RSPH9: variants seen among roughly 807,000 people sequenced by gnomAD.
The protein encoded by RSPH9 is radial spoke head component 9.
Under a neutral mutation model 27.0 loss-of-function variants are expected in RSPH9, and 27 were observed. The ratio of observed to expected loss-of-function variants is 1.00; its 90% CI spans 0.74 to 1.38. The LOEUF is 1.38. Ranked by LOEUF, RSPH9 falls within the 40% of genes most tolerant of loss-of-function variation. The probability of loss-of-function intolerance (pLI) is 0.00; values close to 1 mark genes in which losing one functional copy is unlikely to be tolerated. For synonymous variants in RSPH9, 145 were observed against 147.7 expected, an observed-to-expected ratio of 0.98 and a Z score of 0.13; for missense variants, 347 against 357.4, an observed-to-expected ratio of 0.97 and a Z score of 0.24.
intron 4 of RSPH9, among the ~76,000 whole-genome samples, chr6:43,665,081 G>A (rs1773013563): frequency 6.6e-6 from 1 of 152,226 alleles, no homozygotes; most frequent in Admixed American, 6.5e-5. Flanking sequence ...CCTTTGTGCT[G>A]GGTGAGAGGG....
intron 3 of RSPH9, among the ~76,000 whole-genome samples, chr6:43,656,261 T>G (rs1772039948): frequency 6.6e-6 from 1 of 152,124 alleles, no homozygotes; most frequent in South Asian, 2.1e-4. Flanking sequence ...AATTTTTGTA[T>G]TTTTAGTAGA....
chr6:43,645,391 G>GCCCC, intron 1 of RSPH9, 66 bp downstream of exon 1: 1 of 400,202 alleles, frequency 2.5e-6, no homozygotes, highest in Non-Finnish European at 5.0e-6. Flanking sequence ...GGGTGGGCGG[G>GCCCC]TCGCAGCAAT....
At chr6:43,662,662 T>C (rs781673160) in intron 4 of RSPH9, among the ~76,000 whole-genome samples, 25 of 152,180 alleles carry the variant, frequency 1.6e-4, no homozygotes, top group Non-Finnish European at 3.4e-4. Flanking sequence ...CCACCACGCC[T>C]GGCCGGCTGT....
intron 1 of RSPH9, among the ~76,000 whole-genome samples, chr6:43,645,836 G>A (rs1270956545): frequency 1.3e-5 from 2 of 152,230 alleles, no homozygotes; most frequent in African/African-American, 4.8e-5. Context: ...GGTGCTCTTT[G>A]ATAGAGGTAT....
Position 43,670,830 on chromosome 6 carries a change from G to T in RSPH9, c.712G>T (p.Val238Leu), listed in dbSNP as rs1773652717. The T allele has an allele frequency of 6.2e-7, 1 of 1,614,208 alleles. No homozygotes were observed. Residue 238 changes from valine (V) to leucine (L), a missense_variant, in exon 5 of 5, where the codon GTG (valine) becomes TTG (leucine). Coordinates refer to ENST00000372163, the MANE Select transcript of RSPH9 (RefSeq NM_152732.5). Reference sequence around the variant, plus strand: ...GATGGAGAGGGGCAATGCCCTGGTGGTGCTGCGCAGCCTGCTCTGGCCGGG... The same window carrying T: ...GATGGAGAGGGGCAATGCCCTGGTGTTGCTGCGCAGCCTGCTCTGGCCGGG... ...IQMERGNALVVLRSLLWPGLT... is the reference protein window; with the variant it reads ...IQMERGNALVLLRSLLWPGLT...
In RSPH9 at chr6:43,657,753, C is replaced by T. The variant is rs184627313; in HGVS notation, c.670+1030C>T. Among the ~76,000 whole-genome samples, 360 of 152,284 alleles carry T rather than the reference C, an allele frequency of 2.4e-3. 2 individuals carry two copies. Among genetic ancestry groups the T allele is most frequent in the African/African-American group, 7.7e-3 (318 of 41,548 alleles). On this transcript the variant is annotated intron_variant, in intron 4 of 4. Coordinates refer to ENST00000372163, the MANE Select transcript of RSPH9 (RefSeq NM_152732.5). Reference sequence around the variant, plus strand: ...GCTGTGTGACTTCATGCAAATCCCTCCATTTCCCTGTGCCTCAGTTTCCTC... The same window carrying T: ...GCTGTGTGACTTCATGCAAATCCCTTCATTTCCCTGTGCCTCAGTTTCCTC...
chr6:43,652,318 GA>G (rs1417680233), intron 2 of RSPH9, among the ~76,000 whole-genome samples: 1 of 145,652 alleles, frequency 6.9e-6, no homozygotes, highest in Non-Finnish European at 1.5e-5. Context: ...AAAAAAAAAA[GA>G]AAAAAAAATG....
chr6:43,645,391 G>GGGGGGGGGGT, intron 1 of RSPH9, 66 bp downstream of exon 1: 2 of 400,202 alleles, frequency 5.0e-6, no homozygotes, highest in Admixed American at 2.9e-5. Context: ...GGGTGGGCGG[G>GGGGGGGGGGT]TCGCAGCAAT....
In RSPH9 at chr6:43,671,131, G is replaced by C; in HGVS notation, c.*182G>C. The C allele has an allele frequency of 1.4e-6, 1 of 694,240 alleles. No individual in the cohort carries two copies. Among genetic ancestry groups the C allele is most frequent in the South Asian group, 1.9e-5 (1 of 52,796 alleles). 43.0% of individuals were successfully genotyped at this position (694,240 alleles called of 1,614,324 possible). A position where few individuals can be genotyped will look rare whatever the true frequency, so the allele number is the denominator to read the frequency against. The stretch of plus-strand genomic sequence containing the variant: ...AACCAAGTGGCAGAGGGGTTGGAAT[G>C]TGCTAATGAAAGAGATTCTAGACAA... On this transcript the variant is annotated 3_prime_UTR_variant, in exon 5 of 5. Transcript: ENST00000372163.
At chr6:43,650,245 G>A (rs1416832270) in intron 1 of RSPH9, 130 bp from the exon 2 acceptor site, 3 of 1,065,422 alleles carry the variant, frequency 2.8e-6, no homozygotes, top group Non-Finnish European at 4.2e-6. Flanking sequence ...TCTCACGACA[G>A]CATTGGGAGG....
chr6:43,651,626 G>A (rs1181478682), intron 2 of RSPH9, among the ~76,000 whole-genome samples: 2 of 151,852 alleles, frequency 1.3e-5, no homozygotes, highest in Non-Finnish European at 2.9e-5. Flanking sequence ...TCAGCTCACT[G>A]CAACCTCCGC....
chr6:43,666,305 C>A, intron 4 of RSPH9: 1 of 740,692 alleles, frequency 1.4e-6, no homozygotes, highest in Non-Finnish European at 2.4e-6. Context: ...AGCAGCTGGG[C>A]TGGGCTGCTA....
At chr6:43,661,660 C>A (rs1234581505) in intron 4 of RSPH9, among the ~76,000 whole-genome samples, 995 of 90,550 alleles carry the variant, frequency 0.011, no homozygotes, top group African/African-American at 0.013. Context: ...GACTCTGTCT[C>A]AAAAAAAAAA....
intron 4 of RSPH9, among the ~76,000 whole-genome samples, chr6:43,663,828 G>T (rs1772868168): frequency 6.6e-6 from 1 of 151,898 alleles, no homozygotes; most frequent in Admixed American, 6.6e-5. Flanking sequence ...CCAGGAGTTT[G>T]AGACCAGTCT....
intron 1 of RSPH9, among the ~76,000 whole-genome samples, chr6:43,649,505 A>G (rs2127888994): frequency 6.6e-6 from 1 of 152,012 alleles, no homozygotes; most frequent in African/African-American, 2.4e-5. Flanking sequence ...TTAAGGGGGA[A>G]CTGGTGGAGA....
intron 1 of RSPH9, among the ~76,000 whole-genome samples, chr6:43,648,420 T>G (rs991850810): frequency 1.3e-5 from 2 of 152,322 alleles, no homozygotes; most frequent in East Asian, 3.9e-4. Context: ...TCTAGGCAAG[T>G]GCAAATGCCC....
chr6:43,656,523 G>A (rs1393650587), intron 3 of RSPH9, 54 bp from the exon 4 acceptor site: 12 of 1,609,788 alleles, frequency 7.5e-6, no homozygotes, highest in Non-Finnish European at 6.8e-6. Context: ...GACAGAAAGG[G>A]GGCTGGGGGG....
intron 4 of RSPH9, among the ~76,000 whole-genome samples, chr6:43,668,688 C>A (rs1561945951): frequency 6.6e-6 from 1 of 152,206 alleles, no homozygotes; most frequent in Admixed American, 6.5e-5. Context: ...CAACAATGAA[C>A]TGACAAGGGT....
rs1235868570 is a variant in RSPH9, at chr6:43,650,386, C to T, written c.239C>T (p.Thr80Ile). The T allele has an allele frequency of 6.2e-7, 1 of 1,613,220 alleles. No homozygotes were observed. Among genetic ancestry groups the T allele is most frequent in the South Asian group, 1.1e-5 (1 of 91,032 alleles). ...PRKTLYSLNC[T>I]EWSLLPPATE... ...AATATTGTTGGCAGCCTGAACTGCACAGAGTGGAGCCTCTTGCCCCCTGCC... is the reference window on the plus strand; with the variant it reads ...AATATTGTTGGCAGCCTGAACTGCATAGAGTGGAGCCTCTTGCCCCCTGCC... The change falls in exon 2 of 5, where the codon ACA (threonine) becomes ATA (isoleucine). Residue 80 changes from threonine to isoleucine, a missense_variant. By Grantham distance (89) the Thr-to-Ile change is moderately conservative (BLOSUM62 -1). Transcript: ENST00000372163.
Sources: gnomAD v4.1 joint callset for allele counts (sites outside exome capture counted in the v4.1 genomes callset) on GRCh38, gnomAD v4.1.1 for gene constraint, MANE v1.5 for transcripts, NCBI Gene and HGNC (gene_info 2026-07-23, HGNC 2026-07-21) for gene names.